ZNF138: variants seen among roughly 807,000 people sequenced by gnomAD.
The protein encoded by ZNF138 is zinc finger protein 138.
Under a neutral mutation model 33.0 loss-of-function variants are expected in ZNF138, and 33 were observed. That is an observed-to-expected ratio of 1.00 (90% confidence interval 0.76 to 1.34). The LOEUF is 1.34. Ranked by LOEUF, ZNF138 falls within the 40% of genes most tolerant of loss-of-function variation. ZNF138 has a pLI of 0.00. For synonymous variants in ZNF138, 139 were observed against 120.4 expected (o/e 1.15, Z -1.01); for missense variants, 360 against 370.8 (o/e 0.97, Z 0.24).
At chr7:64,795,681 C>CTTT (rs35138594) in intron 1 of ZNF138, among the ~76,000 whole-genome samples, 4 of 141,184 alleles carry the variant, frequency 2.8e-5, no homozygotes. Flanking sequence ...ATCTCTGTGC[C>CTTT]TTTTTTTTTT....
At chr7:64,834,416 A>G (rs571807001), downstream of ZNF138, among the ~76,000 whole-genome samples, 4 of 152,362 alleles carry the variant, frequency 2.6e-5, no homozygotes, top group African/African-American at 9.6e-5. Flanking sequence ...AAATAACCCA[A>G]AACTAAAGTG....
At position 64,832,445 on chromosome 7, in the gene ZNF138, C is replaced by A; in HGVS notation, c.*243C>A. Reference sequence around the variant, plus strand: ...GTAAAGAATGTGGAAAAGCTTTTCACCGATACTCAATCCTTAGTACACATA... The same window carrying A: ...GTAAAGAATGTGGAAAAGCTTTTCAACGATACTCAATCCTTAGTACACATA... On this transcript the variant is annotated 3_prime_UTR_variant, in exon 4 of 4. Coordinates refer to ENST00000307355, the MANE Select transcript of ZNF138 (RefSeq NM_001271639.2). 7.0e-7 allele frequency: 1 copy of A among 1,422,888 alleles called. No individual in the cohort carries two copies. The highest frequency in any genetic ancestry group is 2.5e-5 in the Admixed American group (1 of 40,286). 88.1% of individuals were successfully genotyped at this position (1,422,888 alleles called of 1,614,324 possible).
At chr7:64,824,943 G>A (rs564727411) in intron 3 of ZNF138, among the ~76,000 whole-genome samples, 1 of 151,338 alleles carries the variant, frequency 6.6e-6, no homozygotes, top group Admixed American at 6.6e-5. Flanking sequence ...CTGGGTTCAA[G>A]CAGTTCTCCT....
At chr7:64,852,473 A>G in the ZNF138 span, 9 of 1,584,284 alleles carry the variant, frequency 5.7e-6, no homozygotes, top group African/African-American at 2.7e-5. Context: ...GGGTTTGTCT[A>G]TGATTCTGGC....
At position 64,821,190 on chromosome 7, in the gene ZNF138, C is replaced by T. The variant is rs1293254231; in HGVS notation, c.208+5537C>T. 1.7e-4 allele frequency among the ~76,000 whole-genome samples: 25 copies of T among 150,532 alleles called. 3 individuals are homozygous for T. Among genetic ancestry groups the T allele is most frequent in the African/African-American group, 4.5e-4 (18 of 40,324 alleles). ...CTGCAACCTCCACCTCCTGGGTTCA[C>T]GCCATTCTCCTGCCTCAGCCTCCTG... On this transcript the variant is annotated intron_variant, in intron 3 of 3. Transcript: ENST00000307355.
the ZNF138 span, among the ~76,000 whole-genome samples, chr7:64,850,724 T>C: frequency 1.3e-3 from 195 of 152,298 alleles, no homozygotes; most frequent in Admixed American, 2.9e-3. Flanking sequence ...GCCTAAATCA[T>C]AGGGTTTTGG....
At chr7:64,801,326 G>A (rs74810186) in intron 1 of ZNF138, among the ~76,000 whole-genome samples, 2,184 of 152,180 alleles carry the variant, frequency 0.014, 54 homozygotes, top group African/African-American at 0.05. Flanking sequence ...TGTTAGCACT[G>A]CATTAGCTGT....
chr7:64,849,264 G>T, the ZNF138 span, among the ~76,000 whole-genome samples: 4 of 152,184 alleles, frequency 2.6e-5, no homozygotes, highest in Non-Finnish European at 5.9e-5. Flanking sequence ...GGTACTGGGG[G>T]TTGTCTGCAC....
chr7:64,830,855 A>T (rs1583898744), intron 3 of ZNF138: 2 of 1,408,030 alleles, frequency 1.4e-6, no homozygotes, highest in Admixed American at 3.1e-5. Context: ...CAGGTCTGAA[A>T]TTTTTTAGGG....
chr7:64,840,382 T>A, the ZNF138 span, among the ~76,000 whole-genome samples: 3 of 152,198 alleles, frequency 2.0e-5, no homozygotes, highest in Admixed American at 2.0e-4. Flanking sequence ...GCAAATAAAT[T>A]AATGAATATC....
intron 3 of ZNF138, chr7:64,830,956 T>G: frequency 6.4e-7 from 1 of 1,551,492 alleles, no homozygotes; most frequent in Non-Finnish European, 8.7e-7. Context: ...CATTTACCTT[T>G]GATCTCAGTG....
intron 3 of ZNF138, among the ~76,000 whole-genome samples, chr7:64,825,477 G>A (rs1789524909): frequency 6.7e-6 from 1 of 149,306 alleles, no homozygotes; most frequent in Non-Finnish European, 1.5e-5. Flanking sequence ...GGGATTGTAT[G>A]CTTTTTTCTT....
chr7:64,830,845 C>T lies in ZNF138; in HGVS notation c.209-606C>T, dbSNP rs918872396. 2.2e-6 allele frequency: 3 copies of T among 1,348,514 alleles called. No individual in the cohort carries two copies. In the African/African-American group the frequency reaches 4.5e-5, roughly 20 times the overall value. 83.5% of individuals were successfully genotyped at this position (1,348,514 alleles called of 1,614,324 possible). A position where few individuals can be genotyped will look rare whatever the true frequency, so the allele number is the denominator to read the frequency against. ...TTTCAGACATGTTCTTAGGATGTGT[C>T]AGGTCTGAAATTTTTTAGGGTTTTT... On this transcript the variant is annotated intron_variant, in intron 3 of 3. Transcript: ENST00000307355.
rs766707197 is a variant in ZNF138, at chr7:64,831,938, T to C, written c.696T>C (p.Phe232=). 1.5e-5 allele frequency: 25 copies of C among 1,613,332 alleles called. No homozygotes were observed. The East Asian group carries it at 4.9e-4, about 32-fold the overall frequency. ...PYKCEVCGKA[F]HQSSILTKHK... ...AATGTGAAGTATGTGGAAAAGCCTT[T>C]CACCAATCCTCAATCCTTACTAAAC... Residue 232 remains phenylalanine, a synonymous_variant, in exon 4 of 4, where the codon TTT becomes TTC. Transcript: ENST00000307355.
Position 64,815,576 on chromosome 7 carries a change from A to T in ZNF138, c.131A>T (p.Asp44Val). The T allele has an allele frequency of 6.2e-7, 1 of 1,610,660 alleles. No homozygotes were observed. Among genetic ancestry groups the T allele is most frequent in the Non-Finnish European group, 8.5e-7 (1 of 1,178,886 alleles). ...LENYRNLVFL[D>V]LITCLEQGKE... Reference sequence around the variant, plus strand: ...ACAAGTATTGCTATCTCTAAGCCAGACCTGATTACCTGTCTGGAACAAGGA... The same window carrying T: ...ACAAGTATTGCTATCTCTAAGCCAGTCCTGATTACCTGTCTGGAACAAGGA... The change falls in exon 3 of 4, where the codon GAC (aspartate) becomes GTC (valine). Residue 44 changes from aspartate to valine, a missense_variant and splice_region_variant. By Grantham distance (152) the Asp-to-Val change is radical. Transcript: ENST00000307355.
chr7:64,825,352 T>C (rs1277966582), intron 3 of ZNF138, among the ~76,000 whole-genome samples: 1 of 150,716 alleles, frequency 6.6e-6, no homozygotes, highest in African/African-American at 2.4e-5. Context: ...TTTTGTATTT[T>C]TAGTAGAGAC....
the ZNF138 span, among the ~76,000 whole-genome samples, chr7:64,860,693 G>A: frequency 2.0e-5 from 3 of 152,182 alleles, no homozygotes; most frequent in Non-Finnish European, 4.4e-5. Context: ...ATATGTCACT[G>A]AATTTATGAA....
In ZNF138 at chr7:64,831,572, CTGTAAAAGTG is replaced by C. The variant is rs1367710073; in HGVS notation, c.333_342del (p.Cys111TrpfsTer18). On this transcript the variant is annotated frameshift_variant, in exon 4 of 4. Transcript: ENST00000307355. LOFTEE classifies it high-confidence loss of function. ...ATAAGAATTTACAGTTAAGAAAAGG[CTGTAAAAGTG>C]TGGATGAGTGTAAGGGACACCAAGG... 1 of 1,613,318 alleles carries C rather than the reference CTGTAAAAGTG, an allele frequency of 6.2e-7. No individual in the cohort carries two copies. The highest frequency in any genetic ancestry group is 8.5e-7 in the Non-Finnish European group (1 of 1,179,808).
intron 1 of ZNF138, among the ~76,000 whole-genome samples, chr7:64,810,176 C>G (rs1194099070): frequency 1.4e-5 from 2 of 138,774 alleles, no homozygotes; most frequent in Non-Finnish European, 3.1e-5. Context: ...CCATTGAGCA[C>G]TGAGTGAACG....
Sources: allele counts gnomAD v4.1 joint callset (sites outside exome capture counted in the v4.1 genomes callset), GRCh38; gene constraint gnomAD v4.1.1; transcripts MANE v1.5; gene names NCBI Gene and HGNC (gene_info 2026-07-23, HGNC 2026-07-21).